NPDC1: variants seen among roughly 807,000 people sequenced by gnomAD.
NPDC1 encodes neural proliferation, differentiation and control 1.
In NPDC1, 18 loss-of-function variants were observed where a neutral mutation model predicts 32.5. The ratio of observed to expected loss-of-function variants is 0.55; its 90% CI spans 0.38 to 0.82. The LOEUF (loss-of-function observed/expected upper bound fraction) is 0.82, where lower values mean the gene tolerates loss of function less well. Ranked by LOEUF, NPDC1 falls within the 40% of genes least tolerant of loss-of-function variation. The probability of loss-of-function intolerance (pLI) is 0.00; values close to 1 mark genes in which losing one functional copy is unlikely to be tolerated. For synonymous variants in NPDC1, 210 were observed against 184.7 expected (o/e 1.14, Z -1.11); for missense variants, 468 against 406.6 (o/e 1.15, Z -1.30).
At chr9:137,040,627 A>G in intron 5 of NPDC1, 29 bp from the exon 6 acceptor site, 1 of 1,562,170 alleles carries the variant, frequency 6.4e-7, no homozygotes, top group Non-Finnish European at 8.6e-7. Context: ...GAGACCTCTG[A>G]GCGTGTGGCA....
chr9:137,042,824 C>T, intron 2 of NPDC1, 103 bp downstream of exon 2: 1 of 1,404,034 alleles, frequency 7.1e-7, no homozygotes, highest in Non-Finnish European at 9.7e-7. Flanking sequence ...TCCCACAGTG[C>T]TGGGATTACA....
chr9:137,041,320 C>T, intron 2 of NPDC1, 133 bp from the exon 3 acceptor site: 1 of 1,035,952 alleles, frequency 9.7e-7, no homozygotes, highest in Non-Finnish European at 1.3e-6. Context: ...CTCTCCCTCC[C>T]AGATTGCCAT....
chr9:137,042,843 C>T, intron 2 of NPDC1, 84 bp downstream of exon 2: 1 of 1,500,118 alleles, frequency 6.7e-7, no homozygotes, highest in East Asian at 2.3e-5. Flanking sequence ...CAGGCATGAG[C>T]CACCGCGCCC....
In NPDC1 at chr9:137,042,857, C is replaced by T. The variant is rs143809971; in HGVS notation, c.259+70G>A. The T allele has an allele frequency of 2.8e-4, 424 of 1,524,406 alleles. 3 individuals are homozygous for T. The highest frequency in any genetic ancestry group is 2.7e-3 in the South Asian group (208 of 77,822). 94.4% of individuals were successfully genotyped at this position (1,524,406 alleles called of 1,614,324 possible). On this transcript the variant is annotated intron_variant, in intron 2 of 8. Transcript: ENST00000371601. ...ACAGGCATGAGCCACCGCGCCCAGCCGGCCGCTTCTTACAGGGAGAGGTTC... is the reference window on the plus strand; with the variant it reads ...ACAGGCATGAGCCACCGCGCCCAGCTGGCCGCTTCTTACAGGGAGAGGTTC...
rs1394462395 is a variant in NPDC1, at chr9:137,046,145, C to T, written c.-156G>A. 1.8e-6 allele frequency: 2 copies of T among 1,091,852 alleles called. No homozygotes were observed. Among genetic ancestry groups the T allele is most frequent in the Non-Finnish European group, 2.2e-6 (2 of 898,208 alleles). The allele number at this position is 1,091,852 out of a possible 1,614,324, so 67.6% of individuals were successfully genotyped here. A position where few individuals can be genotyped will look rare whatever the true frequency, so the allele number is the denominator to read the frequency against. On this transcript the variant is annotated 5_prime_UTR_variant, in exon 1 of 9. In the 5' UTR this introduces an upstream ATG that the reference lacks. Transcript: ENST00000371601. Reference sequence around the variant, plus strand: ...AGGAGGAGGAGGAAGAGGAAAGGCACGGGCGGCGGCGCTGACGCTGCAGCA... The same window carrying T: ...AGGAGGAGGAGGAAGAGGAAAGGCATGGGCGGCGGCGCTGACGCTGCAGCA...
chr9:137,042,553 G>C (rs560630931), intron 2 of NPDC1, among the ~76,000 whole-genome samples: 1 of 131,748 alleles, frequency 7.6e-6, no homozygotes, highest in Non-Finnish European at 1.6e-5. Flanking sequence ...CACTGCTCCC[G>C]GCCTTCTTTT....
chr9:137,041,949 G>C (rs965831353), intron 2 of NPDC1, among the ~76,000 whole-genome samples: 17 of 152,238 alleles, frequency 1.1e-4, no homozygotes, highest in Middle Eastern at 3.2e-3. Flanking sequence ...GTGAGTGGTG[G>C]AAAAGAGCAA....
Position 137,039,724 on chromosome 9 carries a change from C to T in NPDC1, c.*48G>A, listed in dbSNP as rs778316966. The stretch of plus-strand genomic sequence containing the variant: ...GGAAGCTCCAGGCCCTGCCCCTCCC[C>T]GGGGGCCTCGAGGTCGGGGAGCAGG... On this transcript the variant is annotated 3_prime_UTR_variant, in exon 9 of 9. Coordinates refer to ENST00000371601, the MANE Select transcript of NPDC1 (RefSeq NM_015392.4). 2.8e-5 allele frequency: 20 copies of T among 714,944 alleles called. No homozygotes were observed. The highest frequency in any genetic ancestry group is 7.0e-5 in the African/African-American group (4 of 56,952). 44.3% of individuals were successfully genotyped at this position (714,944 alleles called of 1,614,324 possible).
rs752841069 is a variant in NPDC1, at chr9:137,040,693, C to T, written c.601G>A (p.Val201Ile). 33 of 1,584,532 alleles carry T rather than the reference C, an allele frequency of 2.1e-5. No homozygotes were observed. Among genetic ancestry groups the T allele is most frequent in the Admixed American group, 5.4e-5 (3 of 55,746 alleles). ...CACCTGCACCAGCAGAGGGAGGCTACGGAGAGGGCGGCTGCACCGGCCACA... is the reference window on the plus strand; with the variant it reads ...CACCTGCACCAGCAGAGGGAGGCTATGGAGAGGGCGGCTGCACCGGCCACA... Reference protein sequence around the residue: ...FCVAGAAALSVASLCWCRLQR... With the variant: ...FCVAGAAALSIASLCWCRLQR... The change falls in exon 5 of 9, where the codon GTA becomes ATA. Residue 201 changes from valine to isoleucine, a missense_variant. Val to Ile is a conservative substitution (Grantham distance 29). Coordinates refer to ENST00000371601, the MANE Select transcript of NPDC1 (RefSeq NM_015392.4).
intron 2 of NPDC1, 86 bp from the exon 3 acceptor site, chr9:137,041,273 C>T: frequency 7.6e-7 from 1 of 1,312,702 alleles, no homozygotes; most frequent in Non-Finnish European, 9.8e-7. Flanking sequence ...GCAGGTTCCT[C>T]CCAGGAGCCT....
Position 137,040,899 on chromosome 9 carries a change from G to A in NPDC1, c.471C>T (p.Thr157=). 1.3e-6 allele frequency: 2 copies of A among 1,583,478 alleles called. No individual in the cohort carries two copies. The highest frequency in any genetic ancestry group is 1.8e-5 in the Admixed American group (1 of 54,404). ...TPGTPTPTPH[T]SLGSPVSSDP... ...CGGATGACACAGGGGAGCCCAGGGA[G>A]GTGTGGGGCGTGGGCGTGGGGGTTC... is the stretch of plus-strand genomic sequence containing the variant. Residue 157 remains threonine, a synonymous_variant, in exon 4 of 9, where the codon ACC becomes ACT. Transcript: ENST00000371601.
At chr9:137,042,471 A>C (rs1260094901) in intron 2 of NPDC1, among the ~76,000 whole-genome samples, 1 of 149,840 alleles carries the variant, frequency 6.7e-6, no homozygotes, top group Non-Finnish European at 1.5e-5. Flanking sequence ...GTTAGCCAGG[A>C]TGGTCTCGAT....
In NPDC1 at chr9:137,045,966, G is replaced by A. The variant is rs1427690923; in HGVS notation, c.24C>T (p.Pro8=). The A allele has an allele frequency of 5.0e-6, 6 of 1,193,322 alleles. No homozygotes were observed. Among genetic ancestry groups the A allele is most frequent in the African/African-American group, 3.2e-5 (2 of 62,798 alleles). The allele number at this position is 1,193,322 out of a possible 1,614,324, so 73.9% of individuals were successfully genotyped here. A position where few individuals can be genotyped will look rare whatever the true frequency, so the allele number is the denominator to read the frequency against. The change falls in exon 1 of 9, where the codon CCC becomes CCT. Residue 8 remains proline, a synonymous_variant. Transcript: ENST00000371601. ...GCAGCAGCCGCAGGTGCCGCGGGGAGGGCGGAGGCAGCGGCGTCGCCATCC... is the reference window on the plus strand; with the variant it reads ...GCAGCAGCCGCAGGTGCCGCGGGGAAGGCGGAGGCAGCGGCGTCGCCATCC... MATPLPP[P]SPRHLRLLRL...
In NPDC1 at chr9:137,040,686, G is replaced by T. The variant is rs543316545; in HGVS notation, c.608C>A (p.Ser203Tyr). The T allele has an allele frequency of 8.4e-5, 133 of 1,583,260 alleles. No homozygotes were observed. Among genetic ancestry groups the T allele is most frequent in the Non-Finnish European group, 1.0e-4 (118 of 1,170,116 alleles). The change falls in exon 5 of 9, where the codon TCC (serine) becomes TAC (tyrosine). Residue 203 changes from serine (S) to tyrosine (Y), a missense_variant. Ser to Tyr is a moderately radical substitution (Grantham distance 144, BLOSUM62 -2). Coordinates refer to ENST00000371601, the MANE Select transcript of NPDC1 (RefSeq NM_015392.4). ...ACTGGCTCACCTGCACCAGCAGAGG[G>T]AGGCTACGGAGAGGGCGGCTGCACC... ...VAGAAALSVA[S>Y]LCWCRLQREI...
At chr9:137,043,974 C>G (rs1321464373) in intron 1 of NPDC1, 1 of 153,842 alleles carries the variant, frequency 6.5e-6, no homozygotes, top group Non-Finnish European at 1.4e-5. Context: ...TCCCCAGTCA[C>G]AGCAAGCCAG....
rs961155076 is a variant in NPDC1 at position 137,045,931 on chromosome 9, AGCAGCAGCC to A, written c.50_58del (p.Arg17_Leu19del). On this transcript the variant is annotated inframe_deletion, in exon 1 of 9. Coordinates refer to ENST00000371601, the MANE Select transcript of NPDC1 (RefSeq NM_015392.4). ...GGCGGCGCCGAGGACGAGGCCGGAG[AGCAGCAGCC>A]GCAGCAGCCGCAGGTGCCGCGGGGA... 37 of 1,180,242 alleles carry A rather than the reference AGCAGCAGCC, an allele frequency of 3.1e-5. No homozygotes were observed. Among genetic ancestry groups the A allele is most frequent in the South Asian group, 8.4e-5 (2 of 23,916 alleles). 73.1% of individuals were successfully genotyped at this position (1,180,242 alleles called of 1,614,324 possible).
At chr9:137,040,311 TG>T in intron 7 of NPDC1, 45 bp downstream of exon 7, 2 of 867,300 alleles carry the variant, frequency 2.3e-6, no homozygotes, top group Non-Finnish European at 2.7e-6. Context: ...GAGGTGGGGA[TG>T]GGGGGTGGGT....
At position 137,040,727 on chromosome 9, in the gene NPDC1, C is replaced by T. The variant is rs987335848; in HGVS notation, c.567G>A (p.Leu189=). Residue 189 remains leucine, a synonymous_variant, in exon 5 of 9, where the codon CTG becomes CTA. Transcript: ENST00000371601. ...QGDGLALVLI[L]AFCVAGAAAL... is the part of the protein sequence containing the mutation. ...CGGCTGCACCGGCCACACAGAACGC[C>T]AGGATCAGCACTGCAGGAGGGGGCG... The T allele has an allele frequency of 6.3e-7, 1 of 1,589,922 alleles. No homozygotes were observed. Among genetic ancestry groups the T allele is most frequent in the Non-Finnish European group, 8.5e-7 (1 of 1,173,602 alleles).
Position 137,041,109 on chromosome 9 carries a change from T to C in NPDC1, c.338A>G (p.His113Arg), listed in dbSNP as rs765094634. 25 of 1,527,468 alleles carry C rather than the reference T, an allele frequency of 1.6e-5. No homozygotes were observed. Among genetic ancestry groups the C allele is most frequent in the East Asian group, 2.3e-5 (1 of 43,266 alleles). The allele number at this position is 1,527,468 out of a possible 1,614,324, so 94.6% of individuals were successfully genotyped here. A position where few individuals can be genotyped will look rare whatever the true frequency, so the allele number is the denominator to read the frequency against. ...GTCCTTGGGTAGGGGCGGAGTTGAG[T>C]GTCCAGACTCCTTCCGGGCAAGCTC... ...AQELARKESG[H>R]STPPLPKDRQ... Residue 113 changes from histidine to arginine, a missense_variant, in exon 3 of 9, where the codon CAC (histidine) becomes CGC (arginine). Transcript: ENST00000371601.
Sources: allele counts gnomAD v4.1 joint callset (sites outside exome capture counted in the v4.1 genomes callset), GRCh38; gene constraint gnomAD v4.1.1; transcripts MANE v1.5; gene names NCBI Gene and HGNC (gene_info 2026-07-23, HGNC 2026-07-21).